Variants in ASNS observed in about 807,000 individuals in gnomAD.
ASNS encodes asparagine synthetase (glutamine-hydrolyzing).
In ASNS, 37 loss-of-function variants were observed where a neutral mutation model predicts 62.6. The observed-to-expected ratio is 0.59, with a 90% CI of 0.45 to 0.78. The LOEUF is 0.78. Among genes scored for constraint, ASNS ranks in the 30% least tolerant of loss-of-function variants. The pLI is 0.00. For missense variants in ASNS, 520 were observed against 682.4 expected (o/e 0.76, Z 2.65); for synonymous variants, 207 against 237.9 (o/e 0.87, Z 1.19).
the ASNS span, among the ~76,000 whole-genome samples, chr7:97,925,659 C>T: frequency 6.6e-6 from 1 of 152,216 alleles, no homozygotes; most frequent in Non-Finnish European, 1.5e-5. Context: ...TGCACCTCTA[C>T]AGGAGCCCCA....
At chr7:97,883,361 G>T in the ASNS span, among the ~76,000 whole-genome samples, 1 of 151,998 alleles carries the variant, frequency 6.6e-6, no homozygotes, top group South Asian at 2.1e-4. Flanking sequence ...GTAACCTTAG[G>T]CTGGAGGGCC....
chr7:97,855,671 C>T (rs550725244), intron 8 of ASNS, among the ~76,000 whole-genome samples: 1 of 152,212 alleles, frequency 6.6e-6, no homozygotes, highest in East Asian at 1.9e-4. Context: ...TAACCCGGAA[C>T]CATTTTGTCA....
chr7:97,881,209 T>C, the ASNS span, among the ~76,000 whole-genome samples: 1 of 152,234 alleles, frequency 6.6e-6, no homozygotes, highest in South Asian at 2.1e-4. Flanking sequence ...CACACAGTGC[T>C]GGGATTACAG....
the ASNS span, among the ~76,000 whole-genome samples, chr7:97,896,719 C>T: frequency 1.6e-3 from 56 of 35,600 alleles, 1 homozygote; most frequent in Middle Eastern, 0.016. Context: ...TATACACACA[C>T]ACACACACAC....
intron 1 of ASNS, among the ~76,000 whole-genome samples, chr7:97,870,713 A>G (rs1052927083): frequency 3.3e-5 from 5 of 152,212 alleles, no homozygotes; most frequent in African/African-American, 4.8e-5. Flanking sequence ...CTTTGACTCT[A>G]TATCAATTTA....
chr7:97,896,741 C>CATATATATATATATATATATATATAT, the ASNS span, among the ~76,000 whole-genome samples: 30 of 19,750 alleles, frequency 1.5e-3, 2 homozygotes, highest in Non-Finnish European at 2.5e-3. Flanking sequence ...CACACACACA[C>CATATATATATATATATATATATATAT]ATATATATAT....
chr7:97,856,942 G>GA, intron 7 of ASNS, 126 bp from the exon 8 acceptor site: 1 of 1,034,940 alleles, frequency 9.7e-7, no homozygotes, highest in Non-Finnish European at 1.4e-6. Flanking sequence ...GGGAAAAAAA[G>GA]AAAAATGACT....
the ASNS span, among the ~76,000 whole-genome samples, chr7:97,879,447 G>A: frequency 1.3e-5 from 2 of 152,230 alleles, no homozygotes; most frequent in African/African-American, 4.8e-5. Context: ...TATGGCAGAG[G>A]TGATGGGATG....
At chr7:97,923,707 C>T in the ASNS span, among the ~76,000 whole-genome samples, 2 of 152,222 alleles carry the variant, frequency 1.3e-5, no homozygotes, top group Non-Finnish European at 2.9e-5. Flanking sequence ...TCCCAAGCAA[C>T]CTCAGCCAAT....
At chr7:97,919,445 T>C in the ASNS span, among the ~76,000 whole-genome samples, 3 of 152,140 alleles carry the variant, frequency 2.0e-5, no homozygotes, top group African/African-American at 7.2e-5. Flanking sequence ...TCTGGTCCAA[T>C]TGCAAGAGTC....
At chr7:97,852,939 A>T (rs1405420696) in intron 12 of ASNS, 121 bp downstream of exon 12, 1 of 938,918 alleles carries the variant, frequency 1.1e-6, no homozygotes, top group African/African-American at 1.7e-5. Context: ...CATTCAAACT[A>T]AATACATGTA....
At chr7:97,892,648 A>C in the ASNS span, among the ~76,000 whole-genome samples, 1 of 151,778 alleles carries the variant, frequency 6.6e-6, no homozygotes, top group South Asian at 2.1e-4. Flanking sequence ...TAAATCTCTC[A>C]AGTTCAAAAT....
the ASNS span, among the ~76,000 whole-genome samples, chr7:97,887,785 C>A: frequency 6.6e-6 from 1 of 152,200 alleles, no homozygotes; most frequent in Non-Finnish European, 1.5e-5. Flanking sequence ...TTTGTGACAA[C>A]AACTAACTGA....
the ASNS span, among the ~76,000 whole-genome samples, chr7:97,879,913 G>A: frequency 1.2e-4 from 19 of 152,188 alleles, no homozygotes; most frequent in African/African-American, 4.3e-4. Context: ...TCTGATTTCA[G>A]AGTTGTGGTC....
chr7:97,872,444 T>A (rs1275269239), upstream of ASNS: 1 of 152,612 alleles, frequency 6.6e-6, no homozygotes, highest in Non-Finnish European at 1.5e-5. Context: ...TATACCGACC[T>A]GGCTCCTGTA....
the ASNS span, among the ~76,000 whole-genome samples, chr7:97,923,892 T>TCCCTGGCAGGGAC: frequency 1.3e-5 from 2 of 152,172 alleles, no homozygotes; most frequent in Non-Finnish European, 1.5e-5. Context: ...GTCACCAGCA[T>TCCCTGGCAGGGAC]CCCTGGCAGG....
chr7:97,926,220 T>C, the ASNS span, among the ~76,000 whole-genome samples: 1 of 151,788 alleles, frequency 6.6e-6, no homozygotes, highest in Non-Finnish European at 1.5e-5. Flanking sequence ...CCAAGGGACA[T>C]CCAGTCACAT....
chr7:97,888,799 C>T, the ASNS span, among the ~76,000 whole-genome samples: 1 of 152,172 alleles, frequency 6.6e-6, no homozygotes, highest in East Asian at 1.9e-4. Context: ...ATACTTTTAT[C>T]TAGAAATGCA....
In ASNS at chr7:97,851,874, T is replaced by C; in HGVS notation, c.*385A>G. 4.6e-6 allele frequency: 1 copy of C among 218,292 alleles called. No homozygotes were observed. The highest frequency in any genetic ancestry group is 7.9e-5 in the South Asian group (1 of 12,722). The allele number at this position is 218,292 out of a possible 1,614,324, so 13.5% of individuals were successfully genotyped here. ...AGTCTGCCTAGGCAGCTGTTAGGAA[T>C]GTAGGCAGAACAAAAATAGTGTAGT... is the stretch of plus-strand genomic sequence containing the variant. On this transcript the variant is annotated 3_prime_UTR_variant, in exon 13 of 13. Coordinates refer to ENST00000394308, the MANE Select transcript of ASNS (RefSeq NM_001673.5).
Sources: gnomAD v4.1 joint callset for allele counts (sites outside exome capture counted in the v4.1 genomes callset) on GRCh38, gnomAD v4.1.1 for gene constraint, MANE v1.5 for transcripts, NCBI Gene and HGNC (gene_info 2026-07-23, HGNC 2026-07-21) for gene names.